Variants in MSANTD7 observed in about 807,000 individuals in gnomAD.
The protein encoded by MSANTD7 is Myb/SANT DNA binding domain containing 7, also known as zinc finger and SCAN domain containing 29.
the MSANTD7 span, among the ~76,000 whole-genome samples, chr10:14,838,759 C>CG: frequency 5.6e-3 from 849 of 152,080 alleles, 9 homozygotes; most frequent in African/African-American, 0.019. Context: ...GCAGGGTGCC[C>CG]GGGGGGGTCC....
chr10:14,841,454 G>GACATCAAAC, the MSANTD7 span, among the ~76,000 whole-genome samples: 1 of 152,056 alleles, frequency 6.6e-6, no homozygotes, highest in South Asian at 2.1e-4. Context: ...ATAATACAGA[G>GACATCAAAC]ACATCAAACA....
chr10:14,842,489 C>A, the MSANTD7 span: 6 of 1,536,038 alleles, frequency 3.9e-6, no homozygotes, highest in South Asian at 1.2e-5. This position sits in a 1 kb window ranked among gnomAD's most constrained non-coding sequence, Gnocchi z 5.2. Context: ...GTTTAAAGTT[C>A]TGAAGGCATT....
At chr10:14,843,768 T>C in the MSANTD7 span, 1 of 1,536,354 alleles carries the variant, frequency 6.5e-7, no homozygotes, top group Non-Finnish European at 8.7e-7. Flanking sequence ...ATACTGCCAA[T>C]GAGCTCCGCA....
the MSANTD7 span, chr10:14,842,704 A>G: frequency 6.5e-7 from 1 of 1,536,480 alleles, no homozygotes; most frequent in Non-Finnish European, 8.7e-7. The surrounding 1 kb of genome is among the most constrained non-coding windows in gnomAD (Gnocchi z 5.2). Context: ...GCATTCTAAA[A>G]TCAAAAAGGA....
At chr10:14,840,385 T>G in the MSANTD7 span, among the ~76,000 whole-genome samples, 1 of 152,196 alleles carries the variant, frequency 6.6e-6, no homozygotes, top group Non-Finnish European at 1.5e-5. Context: ...ACAGGTCAAT[T>G]TGGTAATTTG....
chr10:14,839,683 A>G, the MSANTD7 span, among the ~76,000 whole-genome samples: 5 of 152,218 alleles, frequency 3.3e-5, no homozygotes, highest in South Asian at 4.1e-4. Flanking sequence ...TTTTGATTCA[A>G]TTGTTGACTT....
chr10:14,840,871 C>T, the MSANTD7 span, among the ~76,000 whole-genome samples: 23 of 152,088 alleles, frequency 1.5e-4, no homozygotes, highest in African/African-American at 2.7e-4. Flanking sequence ...AAATTGGCAA[C>T]GCAAATACTA....
chr10:14,843,552 G>T, the MSANTD7 span: 1 of 1,550,670 alleles, frequency 6.4e-7, no homozygotes, highest in Non-Finnish European at 8.7e-7. Flanking sequence ...TCTCCTCTTC[G>T]AGAGCTGGTT....
chr10:14,839,990 T>C, the MSANTD7 span: 1 of 1,601,634 alleles, frequency 6.2e-7, no homozygotes, highest in Non-Finnish European at 8.5e-7. Flanking sequence ...GAAGAGGTAC[T>C]AGTCCCCCCA....
At chr10:14,844,857 C>T in the MSANTD7 span, 1 of 985,316 alleles carries the variant, frequency 1.0e-6, no homozygotes, top group Non-Finnish European at 1.2e-6. Flanking sequence ...CGCTTTTTAG[C>T]TGATTTCATT....
the MSANTD7 span, chr10:14,844,517 T>TA: frequency 1.2e-5 from 12 of 987,470 alleles, no homozygotes; most frequent in Non-Finnish European, 1.3e-5. Context: ...ATTTGTACCT[T>TA]AATCTCTTAC....
At chr10:14,846,420 C>T in the MSANTD7 span, 6 of 985,154 alleles carry the variant, frequency 6.1e-6, no homozygotes, top group Non-Finnish European at 7.2e-6. Flanking sequence ...GGTAAAGTAA[C>T]CCTAATGTGG....
At chr10:14,844,510 T>G in the MSANTD7 span, 1 of 987,998 alleles carries the variant, frequency 1.0e-6, no homozygotes, top group East Asian at 1.1e-4. Context: ...AACCTGTATT[T>G]GTACCTTAAT....
chr10:14,838,479 G>A, the MSANTD7 span: 1 of 1,589,966 alleles, frequency 6.3e-7, no homozygotes. Flanking sequence ...TGCGGAGCTG[G>A]GCTAGGGCTT....
the MSANTD7 span, chr10:14,846,067 T>C: frequency 9.2e-6 from 9 of 978,062 alleles, no homozygotes; most frequent in Non-Finnish European, 1.1e-5. Context: ...TTCTGTGGTA[T>C]TAATATTTAT....
At chr10:14,842,199 AT>A in the MSANTD7 span, 1 of 1,535,198 alleles carries the variant, frequency 6.5e-7, no homozygotes, top group African/African-American at 1.4e-5. This position sits in a 1 kb window ranked among gnomAD's most constrained non-coding sequence, Gnocchi z 5.2. Context: ...TCCTGGAGAT[AT>A]CCTGAGAGCA....
At chr10:14,843,291 TTG>T in the MSANTD7 span, 1 of 1,509,148 alleles carries the variant, frequency 6.6e-7, no homozygotes, top group East Asian at 2.5e-5. Context: ...GTTTTATAAT[TTG>T]TCTCAGCTCT....
chr10:14,844,451 A>G, the MSANTD7 span: 1 of 991,022 alleles, frequency 1.0e-6, no homozygotes, highest in Non-Finnish European at 1.2e-6. Context: ...GGAGTTTGAA[A>G]TCTTAATTTT....
the MSANTD7 span, chr10:14,844,016 C>G: frequency 6.9e-7 from 1 of 1,452,204 alleles, no homozygotes; most frequent in Non-Finnish European, 9.0e-7. Flanking sequence ...CCATTTATAT[C>G]CAGATAGTAT....
Sources: allele counts gnomAD v4.1 joint callset (sites outside exome capture counted in the v4.1 genomes callset), GRCh38; gene constraint gnomAD v4.1.1; non-coding constraint Gnocchi (gnomAD v3.1); transcripts MANE v1.5; gene names NCBI Gene and HGNC (gene_info 2026-07-23, HGNC 2026-07-21).